INTS7: variants seen among roughly 807,000 people sequenced by gnomAD.
INTS7 encodes integrator complex subunit 7, also known as chromosome 1 open reading frame 73.
Under a neutral mutation model 109.2 loss-of-function variants are expected in INTS7, and 46 were observed. That is an observed-to-expected ratio of 0.42 (90% CI 0.33 to 0.54). The LOEUF is 0.54. Ranked by LOEUF, INTS7 falls within the 20% of genes least tolerant of loss-of-function variation. INTS7 has a pLI of 0.07. For synonymous variants in INTS7, 412 were observed against 402.9 expected, an observed-to-expected ratio of 1.02 and a Z score of -0.27; for missense variants, 929 against 1,132.4, an observed-to-expected ratio of 0.82 and a Z score of 2.58.
chr1:212,001,589 G>A (rs1665673836), intron 7 of INTS7, among the ~76,000 whole-genome samples: 1 of 152,178 alleles, frequency 6.6e-6, no homozygotes, highest in African/African-American at 2.4e-5. Context: ...AGAGACCAAT[G>A]TACATTCACT....
chr1:211,982,794 A>G lies in INTS7; in HGVS notation c.1014T>C (p.Ser338=). 1 of 1,605,972 alleles carries G rather than the reference A, an allele frequency of 6.2e-7. No individual in the cohort carries two copies. The highest frequency in any genetic ancestry group is 8.5e-7 in the Non-Finnish European group (1 of 1,176,154). The change falls in exon 9 of 20, where the codon TCT becomes TCC. Residue 338 remains serine (S), a synonymous_variant. Transcript: ENST00000366994. The part of the protein sequence containing the change: ...FSIVPGNVSS[S]PRSSDLVKLA... Reference sequence around the variant, plus strand: ...ATTTGACTAAATCAGAAGATCTGGGAGAAGAACTCACATTTCCTAAAAAAG... The same window carrying G: ...ATTTGACTAAATCAGAAGATCTGGGGGAAGAACTCACATTTCCTAAAAAAG...
chr1:212,004,994 T>C (rs1488815483), intron 7 of INTS7, among the ~76,000 whole-genome samples: 5 of 152,202 alleles, frequency 3.3e-5, no homozygotes. Context: ...CTGTTAAAAC[T>C]GAAGATACGC....
chr1:211,960,628 A>G (rs1052568548), intron 16 of INTS7, among the ~76,000 whole-genome samples: 1 of 152,236 alleles, frequency 6.6e-6, no homozygotes, highest in Admixed American at 6.5e-5. Flanking sequence ...AACTTGATAG[A>G]GTAGAAAAAC....
At chr1:211,976,182 A>G (rs1384438950) in intron 12 of INTS7, among the ~76,000 whole-genome samples, 1 of 152,192 alleles carries the variant, frequency 6.6e-6, no homozygotes, top group Non-Finnish European at 1.5e-5. Flanking sequence ...TATGGCTGAG[A>G]AGAGTACAGC....
chr1:211,944,317 T>C lies in INTS7; in HGVS notation c.2601+467A>G, dbSNP rs1451212077. Among the ~76,000 whole-genome samples, 3 of 152,128 alleles carry C rather than the reference T, an allele frequency of 2.0e-5. No homozygotes were observed. In the East Asian group the frequency reaches 5.8e-4, roughly 29 times the overall value. On this transcript the variant is annotated intron_variant, in intron 19 of 19. Coordinates refer to ENST00000366994, the MANE Select transcript of INTS7 (RefSeq NM_015434.4). The stretch of plus-strand genomic sequence containing the variant: ...TGACCTAGCAGGGAGGAGGTGAGTC[T>C]TGCTGATGGGTGACTTTCTGGGCAG...
At chr1:211,976,095 C>T (rs998256764) in intron 12 of INTS7, among the ~76,000 whole-genome samples, 2 of 152,132 alleles carry the variant, frequency 1.3e-5, no homozygotes, top group African/African-American at 4.8e-5. Flanking sequence ...AGCCACCCCA[C>T]CCGGCCAGGA....
intron 17 of INTS7, among the ~76,000 whole-genome samples, chr1:211,951,454 T>A (rs1464510459): frequency 6.6e-6 from 1 of 152,110 alleles, no homozygotes; most frequent in Non-Finnish European, 1.5e-5. Flanking sequence ...ATTACAGGCA[T>A]GCGCCACCAT....
At chr1:212,014,431 C>G (rs1666305907) in intron 4 of INTS7, among the ~76,000 whole-genome samples, 1 of 135,562 alleles carries the variant, frequency 7.4e-6, no homozygotes, top group Non-Finnish European at 1.5e-5. Context: ...CGCCACTGTA[C>G]TCCAGCCTGG....
intron 15 of INTS7, 147 bp downstream of exon 15, chr1:211,967,731 C>T: frequency 5.6e-6 from 3 of 535,852 alleles, no homozygotes; most frequent in Non-Finnish European, 9.7e-6. Context: ...TAAGATTATT[C>T]TGCTTATATA....
chr1:211,942,036 G>C lies in INTS7; in HGVS notation c.2677C>G (p.Leu893Val). 6.2e-7 allele frequency: 1 copy of C among 1,614,180 alleles called. No individual in the cohort carries two copies. Among genetic ancestry groups the C allele is most frequent in the East Asian group, 2.2e-5 (1 of 44,884 alleles). ...PHNDYFSTQF[L>V]LNFAILGTHN... ...GTTCCAAGGATAGCAAAGTTCAACA[G>C]AAATTGAGTACTGAAGTAATCATTA... Residue 893 changes from leucine to valine, a missense_variant, in exon 20 of 20, where the codon CTG (leucine) becomes GTG (valine). Leu to Val is a conservative substitution (Grantham distance 32). This residue lies in a region of INTS7 where 787 missense variants were observed against 901.1 expected (regional missense o/e 0.87). Coordinates refer to ENST00000366994, the MANE Select transcript of INTS7 (RefSeq NM_015434.4). This position sits in a 1 kb window ranked among gnomAD's most constrained non-coding sequence, Gnocchi z 4.2.
Position 211,976,659 on chromosome 1 carries a change from C to T in INTS7, c.1531G>A (p.Ala511Thr). 3 of 1,613,790 alleles carry T rather than the reference C, an allele frequency of 1.9e-6. No individual in the cohort carries two copies. Among genetic ancestry groups the T allele is most frequent in the Non-Finnish European group, 2.5e-6 (3 of 1,179,698 alleles). Residue 511 changes from alanine (A) to threonine (T), a missense_variant, in exon 12 of 20, where the codon GCA becomes ACA. This residue lies in a region of INTS7 where 787 missense variants were observed against 901.1 expected (regional missense o/e 0.87). Transcript: ENST00000366994. ...CTTTCAAGCTGCTGCTTAATTACTG[C>T]CTTACTTTCCACAGACAATGCCTTC... ...SQKALSVESK[A>T]VIKQQLESVS...
intron 1 of INTS7, among the ~76,000 whole-genome samples, chr1:212,033,653 G>A (rs892844544): frequency 2.0e-5 from 3 of 152,138 alleles, no homozygotes; most frequent in Non-Finnish European, 4.4e-5. Context: ...TTGTCAGCAT[G>A]AGACAAGCTC....
Position 211,946,640 on chromosome 1 carries a change from A to G in INTS7, c.2382T>C (p.Tyr794=), listed in dbSNP as rs1208970088. The G allele has an allele frequency of 1.2e-6, 2 of 1,613,040 alleles. No homozygotes were observed. The highest frequency in any genetic ancestry group is 8.5e-7 in the Non-Finnish European group (1 of 1,179,082). ...LLKVPLSFQR[Y]FFQKLQSTSI... ...TGGTAGACTGTAGTTTCTGGAAAAA[A>G]TATCTCTGGAAAGAAAGGGGAACTT... The change falls in exon 18 of 20, where the codon TAT becomes TAC. Residue 794 remains tyrosine (Y), a synonymous_variant. Transcript: ENST00000366994. This position sits in a 1 kb window ranked among gnomAD's most constrained non-coding sequence, Gnocchi z 4.3.
At chr1:212,010,317 A>G (rs1666113263) in intron 5 of INTS7, among the ~76,000 whole-genome samples, 1 of 152,190 alleles carries the variant, frequency 6.6e-6, no homozygotes, top group Non-Finnish European at 1.5e-5. Context: ...TATTAACCCT[A>G]TGGGAGCTCT....
intron 7 of INTS7, among the ~76,000 whole-genome samples, chr1:211,994,170 A>T (rs1010167185): frequency 2.0e-5 from 3 of 152,192 alleles, no homozygotes; most frequent in African/African-American, 7.2e-5. Context: ...ACTCTTGGTA[A>T]TTGTAAAATA....
chr1:212,021,087 C>T lies in INTS7; in HGVS notation c.220G>A (p.Val74Ile), dbSNP rs1487422106. The T allele has an allele frequency of 6.2e-7, 1 of 1,602,980 alleles. No individual in the cohort carries two copies. Among genetic ancestry groups the T allele is most frequent in the East Asian group, 2.2e-5 (1 of 44,756 alleles). Residue 74 changes from valine to isoleucine, a missense_variant, in exon 2 of 20, where the codon GTT (valine) becomes ATT (isoleucine). Transcript: ENST00000366994. ...CGAGAATTTAAAAAGACTTACCCAA[C>T]TCTGAAAACATCAGCTAACTTTAGG... The part of the protein sequence containing the change: ...AFLKLADVFR[V>I]GNNFLRLCVL...
At chr1:211,965,068 C>A (rs1663808794) in intron 16 of INTS7, among the ~76,000 whole-genome samples, 1 of 151,808 alleles carries the variant, frequency 6.6e-6, no homozygotes, top group South Asian at 2.1e-4. Context: ...TGACAAAGTT[C>A]TAATATCAAG....
intron 19 of INTS7, among the ~76,000 whole-genome samples, chr1:211,944,383 T>G (rs1427415955): frequency 6.6e-6 from 1 of 152,200 alleles, no homozygotes; most frequent in African/African-American, 2.4e-5. Context: ...CTTTCTCTTC[T>G]GCTTTGGGCA....
At chr1:211,983,197 A>G (rs1406192393) in intron 8 of INTS7, among the ~76,000 whole-genome samples, 1 of 152,146 alleles carries the variant, frequency 6.6e-6, no homozygotes, top group Non-Finnish European at 1.5e-5. Flanking sequence ...AAGAGAAAAA[A>G]ATTTAAATTT....
Sources: gnomAD v4.1 joint callset for allele counts (sites outside exome capture counted in the v4.1 genomes callset) on GRCh38, gnomAD v4.1.1 for gene constraint, gnomAD v4.1.1 regional missense constraint, Gnocchi (gnomAD v3.1) non-coding constraint, MANE v1.5 for transcripts, NCBI Gene and HGNC (gene_info 2026-07-23, HGNC 2026-07-21) for gene names.